TESC: variants seen among roughly 807,000 people sequenced by gnomAD.
TESC encodes the protein calcineurin B homologous protein 3.
Under a neutral mutation model 31.0 loss-of-function variants are expected in TESC, and 19 were observed. The observed-to-expected ratio is 0.61, with a 90% confidence interval of 0.43 to 0.90. The LOEUF is 0.90. Ranked by LOEUF, TESC falls within the 40% of genes least tolerant of loss-of-function variation. The pLI is 0.00. For synonymous variants in TESC, 109 were observed against 114.8 expected (o/e 0.95, Z 0.32); for missense variants, 248 against 303.8 (o/e 0.82, Z 1.36).
At chr12:117,075,430 C>G (rs1274193853) in intron 1 of TESC, 90 bp from the exon 2 acceptor site, 1 of 1,398,738 alleles carries the variant, frequency 7.1e-7, no homozygotes, top group Admixed American at 2.0e-5. Context: ...TTGCCCCATC[C>G]CCACTGGCTG....
intron 2 of TESC, 74 bp from the exon 3 acceptor site, chr12:117,056,960 T>G: frequency 6.8e-7 from 1 of 1,466,638 alleles, no homozygotes. Flanking sequence ...ATTTTCATCC[T>G]GTATCAAGCT....
At chr12:117,056,712 C>T in intron 3 of TESC, 94 bp downstream of exon 3, 1 of 1,383,504 alleles carries the variant, frequency 7.2e-7, no homozygotes, top group South Asian at 1.2e-5. Context: ...TTCTGGGCAT[C>T]AGCTCAAAGG....
chr12:117,089,570 T>G (rs1366073333), intron 1 of TESC, among the ~76,000 whole-genome samples: 4 of 152,204 alleles, frequency 2.6e-5, no homozygotes, highest in African/African-American at 9.7e-5. Flanking sequence ...AGAGGTGAAT[T>G]TGAAAACTAT....
chr12:117,046,365 G>A lies in TESC; in HGVS notation c.519+194C>T, dbSNP rs1954559165. On this transcript the variant is annotated intron_variant, in intron 6 of 7. Transcript: ENST00000335209. Reference sequence around the variant, plus strand: ...CTCGAACTCTGCTTCCCTGCCTTATGCAGCTCTCTGGGGACTTGGACCTTC... The same window carrying A: ...CTCGAACTCTGCTTCCCTGCCTTATACAGCTCTCTGGGGACTTGGACCTTC... 8 of 610,082 alleles carry A rather than the reference G, an allele frequency of 1.3e-5. No individual in the cohort carries two copies. In the Admixed American group the frequency reaches 1.8e-4, roughly 14 times the overall value. 37.8% of individuals were successfully genotyped at this position (610,082 alleles called of 1,614,324 possible).
intron 2 of TESC, among the ~76,000 whole-genome samples, chr12:117,073,706 T>G (rs1294347124): frequency 1.3e-5 from 2 of 152,110 alleles, no homozygotes; most frequent in Middle Eastern, 3.2e-3. Context: ...CTGTTAGAAG[T>G]TTATGGTAGA....
intron 1 of TESC, among the ~76,000 whole-genome samples, chr12:117,079,225 T>C (rs1955113063): frequency 6.6e-6 from 1 of 152,122 alleles, no homozygotes; most frequent in South Asian, 2.1e-4. Flanking sequence ...TAAATAAGAT[T>C]AGAAATTACA....
chr12:117,092,142 C>A (rs866961095), intron 1 of TESC, among the ~76,000 whole-genome samples: 54 of 152,210 alleles, frequency 3.5e-4, no homozygotes, highest in Admixed American at 3.5e-3. Flanking sequence ...AGATGATTGA[C>A]AAGTGCTCAA....
At chr12:117,042,645 G>A (rs1267589769) in intron 6 of TESC, among the ~76,000 whole-genome samples, 19 of 152,272 alleles carry the variant, frequency 1.2e-4, no homozygotes, top group South Asian at 2.1e-4. Context: ...AGTCTCCATC[G>A]CCTCTGCGTC....
chr12:117,045,269 C>T (rs369166258), intron 6 of TESC, among the ~76,000 whole-genome samples: 11 of 152,234 alleles, frequency 7.2e-5, no homozygotes, highest in African/African-American at 2.2e-4. Flanking sequence ...CCCCGGAGCC[C>T]GGCCTCCGCC....
At chr12:117,041,525 G>C (rs1483170689) in intron 7 of TESC, among the ~76,000 whole-genome samples, 1 of 152,046 alleles carries the variant, frequency 6.6e-6, no homozygotes, top group Admixed American at 6.5e-5. Context: ...TAGAGATGGG[G>C]TTTCACCATG....
chr12:117,063,135 G>C (rs898379043), intron 2 of TESC, among the ~76,000 whole-genome samples: 1 of 152,178 alleles, frequency 6.6e-6, no homozygotes, highest in African/African-American at 2.4e-5. Context: ...CAACAATGAT[G>C]ATCCTATTTT....
chr12:117,085,518 G>C (rs1447060626), intron 1 of TESC, among the ~76,000 whole-genome samples: 1 of 152,150 alleles, frequency 6.6e-6, no homozygotes, highest in Non-Finnish European at 1.5e-5. Context: ...AAGCCACCCT[G>C]CCTCCCACTG....
chr12:117,079,555 C>G (rs1261201887), intron 1 of TESC, among the ~76,000 whole-genome samples: 2 of 147,072 alleles, frequency 1.4e-5, no homozygotes, highest in African/African-American at 5.1e-5. Flanking sequence ...AAGCGAGACT[C>G]CATCTCAAAA....
intron 2 of TESC, among the ~76,000 whole-genome samples, chr12:117,070,678 C>T (rs1954957349): frequency 6.6e-6 from 1 of 152,198 alleles, no homozygotes; most frequent in Admixed American, 6.5e-5. Context: ...GGGCCAGGTA[C>T]ATGGCCTCTC....
chr12:117,075,948 TAC>T (rs1466649496), intron 1 of TESC, among the ~76,000 whole-genome samples: 21 of 107,086 alleles, frequency 2.0e-4, no homozygotes, highest in South Asian at 2.6e-4. Context: ...TATGTATATA[TAC>T]ATATATATAT....
At position 117,046,631 on chromosome 12, in the gene TESC, G is replaced by A. The variant is rs76346744; in HGVS notation, c.447C>T (p.Ile149=). 1,591 of 1,551,826 alleles carry A rather than the reference G, an allele frequency of 1.0e-3. 11 individuals carry two copies. The African/African-American group carries it at 0.019, about 19-fold the overall frequency. Residue 149 remains isoleucine (I), a synonymous_variant, in exon 6 of 8, where the codon ATC becomes ATT. Transcript: ENST00000335209. The part of the protein sequence containing the change: ...VEELLSGNPH[I]EKESARSIAD... ...CGATGGAGCGAGCGGACTCCTTCTC[G>A]ATGTGAGGGTTTCCCGACAGCAGCT...
chr12:117,060,343 G>A (rs916718057), intron 2 of TESC, among the ~76,000 whole-genome samples: 4 of 152,094 alleles, frequency 2.6e-5, no homozygotes, highest in Non-Finnish European at 4.4e-5. Flanking sequence ...TTTGGGAGCC[G>A]GGAACATTCT....
chr12:117,046,977 G>C lies in TESC; in HGVS notation c.350-139C>G, dbSNP rs138591197. 6.5e-4 allele frequency: 594 copies of C among 907,336 alleles called. 3 individuals are homozygous for C. The African/African-American group carries it at 8.1e-3, about 12-fold the overall frequency. The allele number at this position is 907,336 out of a possible 1,614,324, so 56.2% of individuals were successfully genotyped here. On this transcript the variant is annotated intron_variant, in intron 4 of 7. Transcript: ENST00000335209. Reference sequence around the variant, plus strand: ...AGCCAGAGGGGTCAGGGCATGAGCTGTGGGACCAGACTGACTACTTCCTAC... The same window carrying C: ...AGCCAGAGGGGTCAGGGCATGAGCTCTGGGACCAGACTGACTACTTCCTAC...
chr12:117,095,410 G>T (rs766001395), intron 1 of TESC, among the ~76,000 whole-genome samples: 2 of 152,152 alleles, frequency 1.3e-5, no homozygotes, highest in East Asian at 3.9e-4. Context: ...AAAGGCTCCC[G>T]TACGTAAACA....
Sources: allele counts gnomAD v4.1 joint callset (sites outside exome capture counted in the v4.1 genomes callset), GRCh38; gene constraint gnomAD v4.1.1; transcripts MANE v1.5; gene names NCBI Gene and HGNC (gene_info 2026-07-23, HGNC 2026-07-21).